CCNT1: variants seen among roughly 807,000 people sequenced by gnomAD.
CCNT1 encodes the protein cyclin T1, also known as cyclin-T1.
CCNT1 carries 18 observed loss-of-function variants against 67.3 expected under a neutral mutation model. The observed-to-expected ratio is 0.27, with a 90% CI of 0.18 to 0.40. The LOEUF is 0.40. CCNT1 is among the 10% of genes least tolerant of loss of function. The probability of loss-of-function intolerance (pLI) is 1.00; values close to 1 mark genes in which losing one functional copy is unlikely to be tolerated. For synonymous variants in CCNT1, 333 were observed against 310.3 expected (o/e 1.07, Z -0.77); for missense variants, 744 against 884.9 (o/e 0.84, Z 2.02).
chr12:48,701,134 T>C, intron 3 of CCNT1, 61 bp from the exon 4 acceptor site: 1 of 924,790 alleles, frequency 1.1e-6, no homozygotes, highest in Non-Finnish European at 1.7e-6. Flanking sequence ...GTATAAACAA[T>C]TCTAACAATC....
intron 2 of CCNT1, among the ~76,000 whole-genome samples, chr12:48,709,437 A>G (rs1378837654): frequency 6.6e-6 from 1 of 152,204 alleles, no homozygotes; most frequent in Non-Finnish European, 1.5e-5. Context: ...ACCTATAGGA[A>G]CTTGTATTAA....
intron 3 of CCNT1, among the ~76,000 whole-genome samples, chr12:48,701,732 G>A (rs1223300828): frequency 9.9e-5 from 15 of 150,886 alleles, no homozygotes; most frequent in African/African-American, 3.2e-4. Flanking sequence ...TCAGCCTCCC[G>A]AGTAGCTGGG....
At chr12:48,715,165 C>T (rs1940515088) in intron 1 of CCNT1, among the ~76,000 whole-genome samples, 1 of 152,206 alleles carries the variant, frequency 6.6e-6, no homozygotes, top group East Asian at 1.9e-4. Context: ...TAAGGATGCA[C>T]TGAAATAGAA....
chr12:48,705,031 G>T (rs916900510), intron 3 of CCNT1, among the ~76,000 whole-genome samples: 1 of 152,136 alleles, frequency 6.6e-6, no homozygotes, highest in African/African-American at 2.4e-5. Context: ...GGGACCATTG[G>T]TCTAGAATAT....
At chr12:48,714,626 A>G in intron 1 of CCNT1, 102 bp from the exon 2 acceptor site, 1 of 671,410 alleles carries the variant, frequency 1.5e-6, no homozygotes, top group Admixed American at 2.5e-5. Context: ...GCAAGTAGAT[A>G]CTACTAAATG....
rs1354209431 is a variant in CCNT1 at position 48,692,595 on chromosome 12, TTTAAA to T, written c.*433_*437del. The T allele has an allele frequency of 1.9e-5, 3 of 157,470 alleles. No homozygotes were observed. The highest frequency in any genetic ancestry group is 2.8e-5 in the Non-Finnish European group (2 of 71,066). The allele number at this position is 157,470 out of a possible 1,614,324, so 9.8% of individuals were successfully genotyped here. Reference sequence around the variant, plus strand: ...AAAACTAAACAGATAACTTACTTTCTTTAAATTATTAAGTCTATTAAAAGATTTGA... The same window carrying T: ...AAAACTAAACAGATAACTTACTTTCTTTATTAAGTCTATTAAAAGATTTGA... On this transcript the variant is annotated 3_prime_UTR_variant, in exon 9 of 9. Transcript: ENST00000261900.
chr12:48,702,979 G>T (rs1427130022), intron 3 of CCNT1, among the ~76,000 whole-genome samples: 1 of 151,858 alleles, frequency 6.6e-6, no homozygotes, highest in Non-Finnish European at 1.5e-5. Context: ...AAATTAACTG[G>T]GAGTGGTGGC....
chr12:48,700,588 G>C (rs572979559), intron 4 of CCNT1, among the ~76,000 whole-genome samples: 1 of 152,064 alleles, frequency 6.6e-6, no homozygotes, highest in South Asian at 2.1e-4. Flanking sequence ...AATATCATCA[G>C]AGTTGCCCAT....
At chr12:48,699,870 CTA>C (rs775131692) in intron 4 of CCNT1, 30 bp from the exon 5 acceptor site, 1 of 1,396,660 alleles carries the variant, frequency 7.2e-7, no homozygotes, top group East Asian at 2.3e-5. Context: ...GATTAAAAAA[CTA>C]TTAAGAAGTT....
intron 2 of CCNT1, among the ~76,000 whole-genome samples, chr12:48,709,862 T>C (rs1272368297): frequency 6.6e-6 from 1 of 152,036 alleles, no homozygotes; most frequent in Non-Finnish European, 1.5e-5. Context: ...ATTTTTACCA[T>C]GGGAATTTAT....
intron 2 of CCNT1, among the ~76,000 whole-genome samples, chr12:48,707,824 C>G (rs1206570680): frequency 6.6e-6 from 1 of 152,002 alleles, no homozygotes; most frequent in African/African-American, 2.4e-5. Flanking sequence ...TTTGGGAGGC[C>G]GAGGTAGCGG....
intron 4 of CCNT1, among the ~76,000 whole-genome samples, chr12:48,700,490 A>C (rs1423235235): frequency 3.9e-5 from 6 of 152,196 alleles, no homozygotes; most frequent in Middle Eastern, 3.4e-3. Context: ...TGATAGCCCA[A>C]AAGAACCAGG....
chr12:48,712,579 T>TTAAA (rs1565621819), intron 2 of CCNT1, among the ~76,000 whole-genome samples: 2 of 32,924 alleles, frequency 6.1e-5, no homozygotes, highest in Non-Finnish European at 1.1e-4. Context: ...ATCTTTTCCT[T>TTAAA]AAAAAAAAAA....
intron 2 of CCNT1, among the ~76,000 whole-genome samples, chr12:48,709,554 G>A (rs1171913056): frequency 1.3e-5 from 2 of 152,158 alleles, no homozygotes; most frequent in African/African-American, 4.8e-5. Context: ...TAAAAAGCTG[G>A]TTAAATAAAC....
At chr12:48,694,505 G>T in intron 8 of CCNT1, 69 bp from the exon 9 acceptor site, 2 of 1,394,010 alleles carry the variant, frequency 1.4e-6, no homozygotes, top group Non-Finnish European at 9.9e-7. Flanking sequence ...GAGATGAGTA[G>T]ATTGTACTTG....
chr12:48,713,330 T>C (rs573235837), intron 2 of CCNT1, among the ~76,000 whole-genome samples: 6 of 151,856 alleles, frequency 4.0e-5, no homozygotes, highest in African/African-American at 1.2e-4. Flanking sequence ...TGAGCCACCA[T>C]GCATAGCCTA....
intron 3 of CCNT1, among the ~76,000 whole-genome samples, chr12:48,703,708 G>A (rs1211805317): frequency 2.0e-5 from 3 of 152,182 alleles, no homozygotes; most frequent in South Asian, 2.1e-4. Flanking sequence ...GCCAAGGTGG[G>A]CGAATTACTT....
At chr12:48,713,793 C>A (rs764631035) in intron 2 of CCNT1, among the ~76,000 whole-genome samples, 3 of 152,176 alleles carry the variant, frequency 2.0e-5, no homozygotes, top group Non-Finnish European at 4.4e-5. Flanking sequence ...GTCTCCCTAC[C>A]CCAGCAAGAA....
chr12:48,704,888 G>A lies in CCNT1; in HGVS notation c.372+880C>T, dbSNP rs1385414535. On this transcript the variant is annotated intron_variant, in intron 3 of 8. Coordinates refer to ENST00000261900, the MANE Select transcript of CCNT1 (RefSeq NM_001240.4). Reference sequence around the variant, plus strand: ...TAATTATTTCATTATGTATAACAATGTAACAATAATAGAAATAAAGTGAAC... The same window carrying A: ...TAATTATTTCATTATGTATAACAATATAACAATAATAGAAATAAAGTGAAC... 2.6e-5 allele frequency among the ~76,000 whole-genome samples: 4 copies of A among 152,196 alleles called. No homozygotes were observed. In the East Asian group the frequency reaches 7.7e-4, roughly 29 times the overall value.
Sources: gnomAD v4.1 joint callset for allele counts (sites outside exome capture counted in the v4.1 genomes callset) on GRCh38, gnomAD v4.1.1 for gene constraint, MANE v1.5 for transcripts, NCBI Gene and HGNC (gene_info 2026-07-23, HGNC 2026-07-21) for gene names.